DGKD: variants seen among roughly 807,000 people sequenced by gnomAD.
DGKD encodes the protein DAG kinase delta.
A neutral mutation model predicts 154.4 loss-of-function variants in DGKD; 68 were observed. The observed-to-expected ratio is 0.44, with a 90% CI of 0.36 to 0.54. DGKD has a LOEUF of 0.54. Ranked by LOEUF, DGKD falls within the 20% of genes least tolerant of loss-of-function variation. The pLI, the probability that DGKD is intolerant of heterozygous loss-of-function variation, is 0.00. For synonymous variants in DGKD, 693 were observed against 638.0 expected (o/e 1.09, Z -1.30); for missense variants, 1,343 against 1,593.6 (o/e 0.84, Z 2.68).
At chr2:233,429,969 G>C (rs1467855750) in intron 3 of DGKD, among the ~76,000 whole-genome samples, 1 of 152,242 alleles carries the variant, frequency 6.6e-6, no homozygotes, top group Non-Finnish European at 1.5e-5. Flanking sequence ...TATGGTTTCT[G>C]AGCCAGAAAC....
chr2:233,390,734 C>T (rs1703543451), intron 3 of DGKD, among the ~76,000 whole-genome samples: 1 of 152,136 alleles, frequency 6.6e-6, no homozygotes, highest in Admixed American at 6.5e-5. Context: ...TGGTTCACGT[C>T]TGTTTTGTTT....
chr2:233,442,174 C>G (rs947270013), intron 10 of DGKD, 179 bp downstream of exon 10: 2 of 712,072 alleles, frequency 2.8e-6, no homozygotes, highest in Non-Finnish European at 5.1e-6. Flanking sequence ...CTGGGCCACC[C>G]CCTGGCATTG....
rs1385264618 is a variant in DGKD at position 233,379,696 on chromosome 2, G to C, written c.157-8561G>C. 2.6e-5 allele frequency: 4 copies of C among 152,160 alleles called. No individual in the cohort carries two copies. In the East Asian group the frequency reaches 7.7e-4, roughly 29 times the overall value. 9.4% of individuals were successfully genotyped at this position (152,160 alleles called of 1,614,324 possible). A position where few individuals can be genotyped will look rare whatever the true frequency, so the allele number is the denominator to read the frequency against. The stretch of plus-strand genomic sequence containing the variant: ...GGAAGGATGGACAGAGAACAAACTT[G>C]GTGTGCTTAGGAACCACCTGGGCTC... On this transcript the variant is annotated intron_variant, in intron 1 of 29. Transcript: ENST00000264057.
At position 233,438,829 on chromosome 2, in the gene DGKD, C is replaced by T. The variant is rs539270050; in HGVS notation, c.1085+450C>T. 8.0e-5 allele frequency among the ~76,000 whole-genome samples: 12 copies of T among 150,740 alleles called. No individual in the cohort carries two copies. In the South Asian group the frequency reaches 2.5e-3, roughly 32 times the overall value. ...ATCTATCTATCTGTGGGTGTATTTT[C>T]CTGGCGTGCCTCGTTCTTTGTAACA... On this transcript the variant is annotated intron_variant, in intron 9 of 29. Coordinates refer to ENST00000264057, the MANE Select transcript of DGKD (RefSeq NM_152879.3). The surrounding 1 kb of genome is among the most constrained non-coding windows in gnomAD (Gnocchi z 4.1).
chr2:233,454,835 C>T lies in DGKD; in HGVS notation c.2337C>T (p.Asp779=), dbSNP rs2063403577. ...GIGLDAKISL[D]FNNKRDEHPE... is the part of the protein sequence containing the mutation. Reference sequence around the variant, plus strand: ...GCCTGGATGCGAAGATATCCCTGGACTTTAACAACAAGCGCGATGAGCACC... The same window carrying T: ...GCCTGGATGCGAAGATATCCCTGGATTTTAACAACAAGCGCGATGAGCACC... Residue 779 remains aspartate (D), a synonymous_variant, in exon 19 of 30, where the codon GAC becomes GAT. Transcript: ENST00000264057. 1 of 1,614,052 alleles carries T rather than the reference C, an allele frequency of 6.2e-7. No individual in the cohort carries two copies. The highest frequency in any genetic ancestry group is 8.5e-7 in the Non-Finnish European group (1 of 1,179,912).
chr2:233,450,253 TA>T, intron 16 of DGKD, 122 bp downstream of exon 16: 7 of 1,305,954 alleles, frequency 5.4e-6, no homozygotes, highest in East Asian at 2.6e-5. Flanking sequence ...CTTGGTTACA[TA>T]AAAATTGAGC....
At position 233,368,511 on chromosome 2, in the gene DGKD, A is replaced by G. The variant is rs1049806175; in HGVS notation, c.156+13837A>G. Among the ~76,000 whole-genome samples, 2 of 152,164 alleles carry G rather than the reference A, an allele frequency of 1.3e-5. 1 individual carries two copies. The highest frequency in any genetic ancestry group is 4.8e-5 in the African/African-American group (2 of 41,440). On this transcript the variant is annotated intron_variant, in intron 1 of 29. Transcript: ENST00000264057. ...TGGGCGACAGAGCGAGACTCCATCAAAAAAGTGAAAATAAAAGGATATTTG... is the reference window on the plus strand; with the variant it reads ...TGGGCGACAGAGCGAGACTCCATCAGAAAAGTGAAAATAAAAGGATATTTG...
chr2:233,377,242 C>T (rs1364439982), intron 1 of DGKD, among the ~76,000 whole-genome samples: 1 of 152,144 alleles, frequency 6.6e-6, no homozygotes, highest in East Asian at 1.9e-4. Flanking sequence ...GCCACCACTC[C>T]CAGCTAATTT....
In DGKD at chr2:233,467,140, A is replaced by T; in HGVS notation, c.3361A>T (p.Thr1121Ser). The change falls in exon 28 of 30, where the codon ACC becomes TCC. Residue 1121 changes from threonine (T) to serine (S), a missense_variant. Around this residue, in one of 6 missense-constraint regions of DGKD, gnomAD observed 429 missense variants for 496.3 expected, o/e 0.86. Transcript: ENST00000264057. ...RSRSGKFRLV[T>S]KFKKEKNNKN... ...TCGCAGTGGTAAATTCCGCCTCGTGACCAAGTTTAAAAAGGAGAAAAACAA... is the reference window on the plus strand; with the variant it reads ...TCGCAGTGGTAAATTCCGCCTCGTGTCCAAGTTTAAAAAGGAGAAAAACAA... The T allele has an allele frequency of 6.2e-7, 1 of 1,614,238 alleles. No homozygotes were observed. The highest frequency in any genetic ancestry group is 8.5e-7 in the Non-Finnish European group (1 of 1,180,050).
intron 27 of DGKD, among the ~76,000 whole-genome samples, chr2:233,464,866 T>G (rs2063778788): frequency 6.6e-6 from 1 of 152,230 alleles, no homozygotes; most frequent in South Asian, 2.1e-4. Context: ...GTCTCTTGGC[T>G]TCCCTGCTTC....
chr2:233,359,317 A>C (rs1701671714), intron 1 of DGKD, among the ~76,000 whole-genome samples: 1 of 152,176 alleles, frequency 6.6e-6, no homozygotes, highest in Non-Finnish European at 1.5e-5. Context: ...TGTGTTCCTG[A>C]GTCTCAGTTT....
Position 233,388,527 on chromosome 2 carries a change from C to T in DGKD, c.267+160C>T, listed in dbSNP as rs188094360. 1,170 of 582,268 alleles carry T rather than the reference C, an allele frequency of 2.0e-3. 1 individual carries two copies. The highest frequency in any genetic ancestry group is 2.7e-3 in the Non-Finnish European group (941 of 343,010). 36.1% of individuals were successfully genotyped at this position (582,268 alleles called of 1,614,324 possible). ...CTCCACGCTGTCAGGTTTTACTTGTCTCAAGGCATGTTTTATTTCTTATCA... is the reference window on the plus strand; with the variant it reads ...CTCCACGCTGTCAGGTTTTACTTGTTTCAAGGCATGTTTTATTTCTTATCA... On this transcript the variant is annotated intron_variant, in intron 2 of 29. Coordinates refer to ENST00000264057, the MANE Select transcript of DGKD (RefSeq NM_152879.3).
chr2:233,420,791 G>A (rs757133246), intron 3 of DGKD, among the ~76,000 whole-genome samples: 5 of 152,204 alleles, frequency 3.3e-5, no homozygotes, highest in East Asian at 1.9e-4. Context: ...TGAGGCCCAC[G>A]ATGCTGGTTT....
At position 233,458,392 on chromosome 2, in the gene DGKD, G is replaced by A. The variant is rs765978079; in HGVS notation, c.2689G>A (p.Ala897Thr). 1.6e-5 allele frequency: 26 copies of A among 1,607,090 alleles called. No homozygotes were observed. Among genetic ancestry groups the A allele is most frequent in the Non-Finnish European group, 2.1e-5 (25 of 1,178,798 alleles). Residue 897 changes from alanine (A) to threonine (T), a missense_variant, in exon 22 of 30, where the codon GCC (alanine) becomes ACC (threonine). This residue lies in a region of DGKD where 429 missense variants were observed against 496.3 expected (regional missense o/e 0.86). Coordinates refer to ENST00000264057, the MANE Select transcript of DGKD (RefSeq NM_152879.3). This position sits in a 1 kb window ranked among gnomAD's most constrained non-coding sequence, Gnocchi z 6.6. ...RVIRLQHHRI[A>T]QCRTVKISIL... ...CATCAGGCTACAGCATCATCGGATCGCCCAGGTAGTGGCCATGGTCCTGGG... is the reference window on the plus strand; with the variant it reads ...CATCAGGCTACAGCATCATCGGATCACCCAGGTAGTGGCCATGGTCCTGGG...
Position 233,418,130 on chromosome 2 carries a change from G to A in DGKD, c.349-16250G>A, listed in dbSNP as rs2062006409. ...TATTACTTCATGAACATCTTTCTGT[G>A]TCCATGACTATGGGCCTGTGACATA... On this transcript the variant is annotated intron_variant, in intron 3 of 29. Transcript: ENST00000264057. 2.0e-5 allele frequency among the ~76,000 whole-genome samples: 3 copies of A among 152,286 alleles called. No individual in the cohort carries two copies. The South Asian group carries it at 6.2e-4, about 32-fold the overall frequency.
chr2:233,376,413 A>G (rs914852681), intron 1 of DGKD, among the ~76,000 whole-genome samples: 1 of 152,192 alleles, frequency 6.6e-6, no homozygotes, highest in Non-Finnish European at 1.5e-5. Context: ...TTTCTTCATT[A>G]GTAAAATGGG....
At position 233,450,979 on chromosome 2, in the gene DGKD, C is replaced by T; in HGVS notation, c.2096C>T (p.Ser699Phe). ...ISKGSLSLGS[S>F]ASLPPQPGSR... ...AAAGGGAGTCTGTCCCTAGGCAGTT[C>T]TGCTTCCCTTCCGCCCCAGCCGGGA... The change falls in exon 17 of 30, where the codon TCT becomes TTT. Residue 699 changes from serine (S) to phenylalanine (F), a missense_variant. Coordinates refer to ENST00000264057, the MANE Select transcript of DGKD (RefSeq NM_152879.3). 6.2e-7 allele frequency: 1 copy of T among 1,612,592 alleles called. No individual in the cohort carries two copies. Among genetic ancestry groups the T allele is most frequent in the Non-Finnish European group, 8.5e-7 (1 of 1,178,648 alleles).
intron 1 of DGKD, among the ~76,000 whole-genome samples, chr2:233,385,575 C>T (rs909114050): frequency 2.0e-5 from 3 of 152,170 alleles, no homozygotes; most frequent in African/African-American, 7.2e-5. Flanking sequence ...CGGCATGGCC[C>T]GAGCGAACTG....
rs2124920436 is a variant in DGKD, at chr2:233,458,409, G to C, written c.2694+12G>C. The C allele has an allele frequency of 6.3e-7, 1 of 1,588,038 alleles. No homozygotes were observed. The highest frequency in any genetic ancestry group is 1.1e-5 in the South Asian group (1 of 90,392). ...ATCGGATCGCCCAGGTAGTGGCCAT[G>C]GTCCTGGGGTGTCTGGCCGAGTCCC... is the stretch of plus-strand genomic sequence containing the variant. On this transcript the variant is annotated intron_variant, in intron 22 of 29. Coordinates refer to ENST00000264057, the MANE Select transcript of DGKD (RefSeq NM_152879.3). The surrounding 1 kb of genome is among the most constrained non-coding windows in gnomAD (Gnocchi z 6.6).
Sources: allele counts gnomAD v4.1 joint callset (sites outside exome capture counted in the v4.1 genomes callset), GRCh38; gene constraint gnomAD v4.1.1; regional missense constraint gnomAD v4.1.1; non-coding constraint Gnocchi (gnomAD v3.1); transcripts MANE v1.5; gene names NCBI Gene and HGNC (gene_info 2026-07-23, HGNC 2026-07-21).